The following HS3ST4 variants were observed in gnomAD, a reference collection of about 807,000 sequenced individuals.
HS3ST4 encodes the protein heparan sulfate glucosamine 3-O-sulfotransferase 4.
A neutral mutation model predicts 29.2 loss-of-function variants in HS3ST4; 17 were observed. That is an observed-to-expected ratio of 0.58 (90% confidence interval 0.40 to 0.87). The LOEUF is 0.87. HS3ST4 is among the 40% of genes least tolerant of loss of function. HS3ST4 has a pLI of 0.00. For missense variants in HS3ST4, 627 were observed against 634.5 expected (o/e 0.99, Z 0.13); for synonymous variants, 314 against 285.7 (o/e 1.10, Z -1.00).
chr16:25,992,352 T>A (rs953008350), intron 1 of HS3ST4, among the ~76,000 whole-genome samples: 1 of 152,170 alleles, frequency 6.6e-6, no homozygotes, highest in Non-Finnish European at 1.5e-5. Context: ...GAGACATGGA[T>A]GATGTCCAGC....
At chr16:25,918,086 A>G (rs1044197107) in intron 1 of HS3ST4, among the ~76,000 whole-genome samples, 1 of 152,216 alleles carries the variant, frequency 6.6e-6, no homozygotes, top group African/African-American at 2.4e-5. Context: ...ACCTTTCTGC[A>G]GACATATAAT....
intron 1 of HS3ST4, among the ~76,000 whole-genome samples, chr16:25,760,338 A>C (rs1179190319): frequency 6.6e-6 from 1 of 151,762 alleles, no homozygotes; most frequent in Non-Finnish European, 1.5e-5. Flanking sequence ...TCACCTGGTC[A>C]TCCATTGGTC....
At chr16:25,891,564 T>C (rs763467915) in intron 1 of HS3ST4, among the ~76,000 whole-genome samples, 2 of 152,094 alleles carry the variant, frequency 1.3e-5, no homozygotes, top group Non-Finnish European at 1.5e-5. Context: ...CGAGACTGAG[T>C]GTCCCATGAG....
At chr16:25,926,042 G>T (rs547164698) in intron 1 of HS3ST4, among the ~76,000 whole-genome samples, 1 of 144,544 alleles carries the variant, frequency 6.9e-6, no homozygotes, top group Non-Finnish European at 1.5e-5. Context: ...AAATGGCACC[G>T]TTAAAAAAAA....
chr16:25,951,420 A>G (rs527741434), intron 1 of HS3ST4, among the ~76,000 whole-genome samples: 1 of 152,324 alleles, frequency 6.6e-6, no homozygotes, highest in African/African-American at 2.4e-5. Context: ...TTCCTTACCT[A>G]TGAAATGGAG....
intron 1 of HS3ST4, among the ~76,000 whole-genome samples, chr16:25,740,318 G>A (rs983052543): frequency 6.6e-6 from 1 of 152,138 alleles, no homozygotes; most frequent in African/African-American, 2.4e-5. Context: ...TTACTTCCAA[G>A]TTTCTACTCT....
chr16:25,827,877 T>C (rs947716495), intron 1 of HS3ST4, among the ~76,000 whole-genome samples: 1 of 152,202 alleles, frequency 6.6e-6, no homozygotes, highest in African/African-American at 2.4e-5. Context: ...AGGAAGCTTG[T>C]CACAAGCTAC....
intron 1 of HS3ST4, among the ~76,000 whole-genome samples, chr16:26,107,396 A>T (rs1312524083): frequency 1.3e-5 from 2 of 152,138 alleles, no homozygotes; most frequent in Non-Finnish European, 2.9e-5. Context: ...ATACATGCAC[A>T]TATGTATTTC....
chr16:25,964,445 G>A (rs559074873), intron 1 of HS3ST4, among the ~76,000 whole-genome samples: 4 of 152,160 alleles, frequency 2.6e-5, no homozygotes, highest in East Asian at 3.9e-4. Context: ...GAAAGTGTAC[G>A]TACCATTGAG....
At chr16:25,932,845 G>C (rs1215924740) in intron 1 of HS3ST4, among the ~76,000 whole-genome samples, 1 of 152,176 alleles carries the variant, frequency 6.6e-6, no homozygotes, top group Non-Finnish European at 1.5e-5. Flanking sequence ...GTTCAGCTTG[G>C]TTTCTAAACC....
At chr16:25,927,667 C>T (rs1968418498) in intron 1 of HS3ST4, among the ~76,000 whole-genome samples, 1 of 149,974 alleles carries the variant, frequency 6.7e-6, no homozygotes, top group Non-Finnish European at 1.5e-5. Flanking sequence ...GAGGCAGCTG[C>T]TCCTCAGCCC....
In HS3ST4 at chr16:25,804,456, C is replaced by T. The variant is rs116454495; in HGVS notation, c.734+111305C>T. 8.1e-3 allele frequency among the ~76,000 whole-genome samples: 1,236 copies of T among 152,254 alleles called. 11 individuals carry two copies. Among genetic ancestry groups the T allele is most frequent in the African/African-American group, 0.027 (1,109 of 41,544 alleles). ...TTAATTCCTTAACTCCATCAGGTTTCCCTTTCCCCATTCAGCAAATTGCCT... is the reference window on the plus strand; with the variant it reads ...TTAATTCCTTAACTCCATCAGGTTTTCCTTTCCCCATTCAGCAAATTGCCT... On this transcript the variant is annotated intron_variant, in intron 1 of 1. Coordinates refer to ENST00000331351, the MANE Select transcript of HS3ST4 (RefSeq NM_006040.3).
intron 1 of HS3ST4, among the ~76,000 whole-genome samples, chr16:26,112,381 C>CTTTTTTTTTTT (rs386384539): frequency 8.9e-6 from 1 of 111,974 alleles, no homozygotes; most frequent in Admixed American, 1.0e-4. Context: ...GCCTCTACAT[C>CTTTTTTTTTTT]TTTTTTTTTT....
At chr16:26,046,439 C>T (rs541003893) in intron 1 of HS3ST4, among the ~76,000 whole-genome samples, 3 of 152,132 alleles carry the variant, frequency 2.0e-5, no homozygotes, top group Non-Finnish European at 2.9e-5. Context: ...GCATGAGCCA[C>T]GGTACCCGGC....
At chr16:26,120,461 A>G (rs1228302998) in intron 1 of HS3ST4, among the ~76,000 whole-genome samples, 6 of 152,214 alleles carry the variant, frequency 3.9e-5, no homozygotes, top group Non-Finnish European at 8.8e-5. Context: ...CTTCGTAAAA[A>G]GGTCGTTCTT....
At chr16:26,134,507 C>T (rs552567351) in intron 1 of HS3ST4, among the ~76,000 whole-genome samples, 4 of 151,910 alleles carry the variant, frequency 2.6e-5, no homozygotes, top group African/African-American at 7.2e-5. Context: ...GGACTGCAGG[C>T]GCGTGCCACC....
intron 1 of HS3ST4, among the ~76,000 whole-genome samples, chr16:25,916,120 C>G (rs142369290): frequency 1.4e-4 from 21 of 152,220 alleles, no homozygotes; most frequent in Non-Finnish European, 2.9e-4. Context: ...ACCACTTGGC[C>G]AGAGGTACAG....
intron 1 of HS3ST4, among the ~76,000 whole-genome samples, chr16:26,056,106 C>T (rs1898405043): frequency 1.3e-5 from 2 of 151,808 alleles, no homozygotes; most frequent in African/African-American, 2.4e-5. Context: ...CATTGTTTTT[C>T]ACAAGGAAGC....
intron 1 of HS3ST4, among the ~76,000 whole-genome samples, chr16:25,733,845 G>A (rs1243384280): frequency 1.3e-5 from 2 of 152,152 alleles, no homozygotes; most frequent in African/African-American, 2.4e-5. Context: ...GGTGCCGGAC[G>A]CAGTGGCTCA....
Sources: allele counts gnomAD v4.1 joint callset (sites outside exome capture counted in the v4.1 genomes callset), GRCh38; gene constraint gnomAD v4.1.1; transcripts MANE v1.5; gene names NCBI Gene and HGNC (gene_info 2026-07-23, HGNC 2026-07-21).